XKR9: variants seen among roughly 807,000 people sequenced by gnomAD.
XKR9 encodes the protein XK related 9, also known as XK-related protein 9.
A neutral mutation model predicts 32.0 loss-of-function variants in XKR9; 32 were observed. That is an observed-to-expected ratio of 1.00 (90% CI 0.76 to 1.34). The LOEUF (loss-of-function observed/expected upper bound fraction) is 1.34, where lower values mean the gene tolerates loss of function less well. Among genes scored for constraint, XKR9 ranks in the 40% most tolerant of loss-of-function variants. The pLI is 0.00. For missense variants in XKR9, 546 were observed against 429.7 expected, an observed-to-expected ratio of 1.27 and a Z score of -2.39; for synonymous variants, 168 against 143.4, an observed-to-expected ratio of 1.17 and a Z score of -1.22.
chr8:71,057,318 C>G, the XKR9 span, among the ~76,000 whole-genome samples: 107 of 152,258 alleles, frequency 7.0e-4, no homozygotes, highest in Non-Finnish European at 1.4e-3. Context: ...ATCTGTGCAT[C>G]CATGTCATCT....
intron 4 of XKR9, among the ~76,000 whole-genome samples, chr8:70,710,780 G>A (rs1195352281): frequency 1.3e-5 from 2 of 151,920 alleles, no homozygotes; most frequent in Non-Finnish European, 2.9e-5. Context: ...AAGTTGACAG[G>A]TGTGACTTAA....
chr8:70,919,985 G>T, the XKR9 span, among the ~76,000 whole-genome samples: 4 of 152,160 alleles, frequency 2.6e-5, no homozygotes, highest in Non-Finnish European at 5.9e-5. Flanking sequence ...TCTGTTCATT[G>T]TCTATATCAT....
chr8:70,888,517 A>G, the XKR9 span, among the ~76,000 whole-genome samples: 1 of 151,868 alleles, frequency 6.6e-6, no homozygotes, highest in Admixed American at 6.6e-5. Flanking sequence ...TCTCATTTAT[A>G]AAATCTTTAC....
the XKR9 span, among the ~76,000 whole-genome samples, chr8:71,060,922 G>A: frequency 0.018 from 2,719 of 152,184 alleles, 70 homozygotes; most frequent in African/African-American, 0.063. Context: ...AAATCACCAC[G>A]TAGTTCTAGT....
chr8:70,788,769 A>C (rs1026045713), intron 2 of XKR9, among the ~76,000 whole-genome samples: 3 of 152,126 alleles, frequency 2.0e-5, no homozygotes, highest in Admixed American at 6.6e-5. Flanking sequence ...CAAATGTTAC[A>C]AGATAATGTT....
chr8:71,011,633 T>A, the XKR9 span, among the ~76,000 whole-genome samples: 1 of 152,232 alleles, frequency 6.6e-6, no homozygotes, highest in Non-Finnish European at 1.5e-5. Context: ...ATTGTGTCTA[T>A]TATAAGAAAG....
the XKR9 span, among the ~76,000 whole-genome samples, chr8:70,853,761 A>T: frequency 6.4e-4 from 97 of 152,100 alleles, no homozygotes; most frequent in African/African-American, 2.3e-3. Context: ...CCCACCTATG[A>T]GTGAGAACAT....
At chr8:70,868,900 T>G in the XKR9 span, among the ~76,000 whole-genome samples, 1 of 152,222 alleles carries the variant, frequency 6.6e-6, no homozygotes, top group Admixed American at 6.5e-5. Context: ...CTTAGAAATT[T>G]ATTCTGCCAG....
chr8:70,903,145 C>T, the XKR9 span, among the ~76,000 whole-genome samples: 3 of 152,000 alleles, frequency 2.0e-5, no homozygotes, highest in East Asian at 1.9e-4. Flanking sequence ...CAGGATGATG[C>T]TGGCCTCATA....
the XKR9 span, among the ~76,000 whole-genome samples, chr8:70,992,297 T>C: frequency 6.6e-6 from 1 of 152,192 alleles, no homozygotes; most frequent in Admixed American, 6.5e-5. Flanking sequence ...TCTCTCAAAT[T>C]CAAAAATAAA....
the XKR9 span, among the ~76,000 whole-genome samples, chr8:71,023,341 G>A: frequency 1.3e-5 from 2 of 152,184 alleles, no homozygotes; most frequent in Non-Finnish European, 2.9e-5. Context: ...TTATGCAAGA[G>A]TGCAGTCTCC....
chr8:70,927,880 G>T, the XKR9 span, among the ~76,000 whole-genome samples: 1 of 152,154 alleles, frequency 6.6e-6, no homozygotes, highest in African/African-American at 2.4e-5. Context: ...ACGAGTAGGT[G>T]CTAGATCTGG....
the XKR9 span, among the ~76,000 whole-genome samples, chr8:71,003,041 A>G: frequency 1.3e-5 from 2 of 152,176 alleles, no homozygotes; most frequent in Non-Finnish European, 2.9e-5. Flanking sequence ...CCCCTTCAAC[A>G]ATTTTCAAGC....
the XKR9 span, among the ~76,000 whole-genome samples, chr8:71,036,541 AT>A: frequency 1.0e-3 from 152 of 152,260 alleles, 1 homozygote; most frequent in African/African-American, 3.4e-3. Context: ...AGAACAGGGG[AT>A]AATTTCCAGC....
chr8:70,949,857 A>T, the XKR9 span, among the ~76,000 whole-genome samples: 2 of 152,178 alleles, frequency 1.3e-5, no homozygotes, highest in African/African-American at 4.8e-5. Context: ...CAGGCTAAGT[A>T]CTTCTATGGA....
At chr8:70,879,536 G>A in the XKR9 span, among the ~76,000 whole-genome samples, 3 of 152,122 alleles carry the variant, frequency 2.0e-5, no homozygotes, top group African/African-American at 7.2e-5. Flanking sequence ...ACACCTTTAT[G>A]CAAATAAACT....
the XKR9 span, among the ~76,000 whole-genome samples, chr8:71,041,914 T>C: frequency 5.1e-4 from 78 of 152,314 alleles, 1 homozygote; most frequent in South Asian, 0.016. Flanking sequence ...CAGATATTTC[T>C]TTACAGCAGT....
At chr8:70,733,736 A>G in intron 4 of XKR9, 60 bp from the exon 5 acceptor site, 6 of 1,388,462 alleles carry the variant, frequency 4.3e-6, no homozygotes, top group South Asian at 1.6e-5. Context: ...TATGGGATAT[A>G]GTAATCTAAT....
At chr8:70,907,220 C>T in the XKR9 span, among the ~76,000 whole-genome samples, 2 of 152,162 alleles carry the variant, frequency 1.3e-5, no homozygotes, top group African/African-American at 4.8e-5. Context: ...ATTATATGGA[C>T]TATTTCATCT....
Sources: gnomAD v4.1 joint callset for allele counts (sites outside exome capture counted in the v4.1 genomes callset) on GRCh38, gnomAD v4.1.1 for gene constraint, MANE v1.5 for transcripts, NCBI Gene and HGNC (gene_info 2026-07-23, HGNC 2026-07-21) for gene names.